Variants in PKNOX1 observed in about 807,000 individuals in gnomAD.
PKNOX1 encodes the protein PBX/knotted 1 homeobox 1.
A neutral mutation model predicts 51.9 loss-of-function variants in PKNOX1; 15 were observed. The ratio of observed to expected loss-of-function variants is 0.29; its 90% CI spans 0.19 to 0.45. PKNOX1 has a LOEUF of 0.45. PKNOX1 is among the 20% of genes least tolerant of loss of function. PKNOX1 has a pLI of 1.00. For synonymous variants in PKNOX1, 219 were observed against 211.1 expected, an observed-to-expected ratio of 1.04 and a Z score of -0.32; for missense variants, 462 against 547.5, an observed-to-expected ratio of 0.84 and a Z score of 1.56.
chr21:43,004,492 C>A, intron 2 of PKNOX1, 60 bp downstream of exon 2: 2 of 1,119,546 alleles, frequency 1.8e-6, no homozygotes, highest in Non-Finnish European at 1.4e-6. Flanking sequence ...CAAGCATGAA[C>A]ATTGCTTTGT....
At chr21:43,011,901 C>G (rs1324718769) in intron 4 of PKNOX1, among the ~76,000 whole-genome samples, 1 of 152,188 alleles carries the variant, frequency 6.6e-6, no homozygotes, top group East Asian at 1.9e-4. Flanking sequence ...GCTCTCTCCA[C>G]CCCTGAGTCT....
intron 1 of PKNOX1, among the ~76,000 whole-genome samples, chr21:42,996,735 T>A (rs1030341867): frequency 1.3e-5 from 2 of 152,126 alleles, no homozygotes. Flanking sequence ...AGCTAATTTT[T>A]AAAAAAATTT....
At position 42,991,442 on chromosome 21, in the gene PKNOX1, A is replaced by G. The variant is rs371331754; in HGVS notation, c.-56-12884A>G. Among the ~76,000 whole-genome samples the G allele has an allele frequency of 5.3e-5, 8 of 152,268 alleles. No homozygotes were observed. In the South Asian group the frequency reaches 6.2e-4, roughly 12 times the overall value. ...TTCAAGTGACTTCAAAACAAATTGT[A>G]TTGGCCAGGCGTGGTGGCTCACGCC... On this transcript the variant is annotated intron_variant, in intron 1 of 10. Coordinates refer to ENST00000291547, the MANE Select transcript of PKNOX1 (RefSeq NM_004571.5).
At chr21:43,012,405 C>T (rs965734766) in intron 4 of PKNOX1, among the ~76,000 whole-genome samples, 4 of 152,004 alleles carry the variant, frequency 2.6e-5, no homozygotes, top group African/African-American at 7.2e-5. Flanking sequence ...ACTAAAAATA[C>T]AAAAATTAGC....
intron 4 of PKNOX1, among the ~76,000 whole-genome samples, chr21:43,011,575 T>G (rs1180580286): frequency 1.3e-5 from 2 of 152,202 alleles, no homozygotes; most frequent in Non-Finnish European, 2.9e-5. Context: ...TGTGCTCTCC[T>G]GCCAGAGTGT....
chr21:43,002,395 A>G (rs1978798231), intron 1 of PKNOX1, among the ~76,000 whole-genome samples: 2 of 138,814 alleles, frequency 1.4e-5, no homozygotes, highest in South Asian at 4.9e-4. Context: ...TCTTGTACTC[A>G]TTGACTGTGC....
intron 1 of PKNOX1, among the ~76,000 whole-genome samples, chr21:42,987,404 A>AAAAAATATATAT: frequency 7.2e-5 from 3 of 41,414 alleles, no homozygotes; most frequent in Non-Finnish European, 9.6e-5. Flanking sequence ...AAAAAAAAAA[A>AAAAAATATATAT]ATATATATAT....
chr21:42,987,898 G>A lies in PKNOX1; in HGVS notation c.-57+13234G>A, dbSNP rs1013719266. On this transcript the variant is annotated intron_variant, in intron 1 of 10. Coordinates refer to ENST00000291547, the MANE Select transcript of PKNOX1 (RefSeq NM_004571.5). The stretch of plus-strand genomic sequence containing the variant: ...CTCCCAAAGTGCTGGGATTACAGGC[G>A]TGAGCCACCGCACCCGGCCTCTACA... Among the ~76,000 whole-genome samples, 8 of 152,018 alleles carry A rather than the reference G, an allele frequency of 5.3e-5. No individual in the cohort carries two copies. In the East Asian group the frequency reaches 9.7e-4, roughly 18 times the overall value.
rs939825973 is a variant in PKNOX1, at chr21:43,030,292, T to TGC, written c.*193_*194dup. ...GTGTGTGTGTGTGTGTGTGTGTGTG[T>TGC]GCGTGTGTGCGTGTGTGTGGATTTT... On this transcript the variant is annotated 3_prime_UTR_variant, in exon 11 of 11. Transcript: ENST00000291547. The TGC allele has an allele frequency of 8.8e-5, 37 of 420,930 alleles. No individual in the cohort carries two copies. The highest frequency in any genetic ancestry group is 1.2e-4 in the Non-Finnish European group (29 of 233,614). The allele number at this position is 420,930 out of a possible 1,614,324, so 26.1% of individuals were successfully genotyped here. A position where few individuals can be genotyped will look rare whatever the true frequency, so the allele number is the denominator to read the frequency against.
At chr21:43,006,492 T>C (rs1332308659) in intron 2 of PKNOX1, among the ~76,000 whole-genome samples, 3 of 152,176 alleles carry the variant, frequency 2.0e-5, no homozygotes, top group Admixed American at 2.0e-4. Context: ...TTAGGCTTTA[T>C]TGCTTTTATT....
intron 5 of PKNOX1, among the ~76,000 whole-genome samples, chr21:43,015,171 C>T (rs954738180): frequency 6.6e-6 from 1 of 152,244 alleles, no homozygotes; most frequent in African/African-American, 2.4e-5. Context: ...GCCTTGTCAC[C>T]GCCTTAGGGG....
intron 1 of PKNOX1, among the ~76,000 whole-genome samples, chr21:42,994,283 C>T (rs1387717213): frequency 1.2e-3 from 8 of 6,908 alleles, no homozygotes; most frequent in African/African-American, 3.7e-3. Flanking sequence ...CTCAAACGAT[C>T]CTTCCACCTC....
chr21:42,992,372 C>G (rs758113201), intron 1 of PKNOX1, among the ~76,000 whole-genome samples: 2 of 152,174 alleles, frequency 1.3e-5, no homozygotes, highest in African/African-American at 2.4e-5. Flanking sequence ...GTGTCCTCAA[C>G]AGGGAAACAA....
At chr21:43,010,357 T>G (rs1225386389) in intron 4 of PKNOX1, 133 bp downstream of exon 4, 1 of 522,260 alleles carries the variant, frequency 1.9e-6, no homozygotes, top group African/African-American at 1.9e-5. Context: ...AAAAGAATTT[T>G]TATGGTGTGT....
Position 43,032,260 on chromosome 21 carries a change from C to T in PKNOX1, c.*2159C>T. ...AGATCATTTTTAACCTAAGTTCCAA[C>T]TTTGTTGGACTCCTTAAAATAAGCA... On this transcript the variant is annotated 3_prime_UTR_variant, in exon 11 of 11. Coordinates refer to ENST00000291547, the MANE Select transcript of PKNOX1 (RefSeq NM_004571.5). The T allele has an allele frequency of 2.3e-6, 1 of 438,106 alleles. No homozygotes were observed. Among genetic ancestry groups the T allele is most frequent in the South Asian group, 1.6e-5 (1 of 63,838 alleles). 27.1% of individuals were successfully genotyped at this position (438,106 alleles called of 1,614,324 possible).
At chr21:43,015,883 G>A (rs1271482364) in intron 5 of PKNOX1, among the ~76,000 whole-genome samples, 1 of 151,594 alleles carries the variant, frequency 6.6e-6, no homozygotes, top group African/African-American at 2.4e-5. Context: ...TTGTTTTATT[G>A]ATTTTTTTGG....
chr21:42,976,960 T>C (rs1366257539), intron 1 of PKNOX1, among the ~76,000 whole-genome samples: 1 of 152,244 alleles, frequency 6.6e-6, no homozygotes, highest in Non-Finnish European at 1.5e-5. Flanking sequence ...GATTACTCCT[T>C]GGATCCATAG....
chr21:42,997,483 T>G (rs1318126815), intron 1 of PKNOX1, among the ~76,000 whole-genome samples: 1 of 152,184 alleles, frequency 6.6e-6, no homozygotes, highest in African/African-American at 2.4e-5. Context: ...TGGGATGAAG[T>G]CAAGCAAATT....
chr21:42,989,275 G>C, intron 1 of PKNOX1, among the ~76,000 whole-genome samples: 1 of 151,416 alleles, frequency 6.6e-6, no homozygotes, highest in East Asian at 1.9e-4. Context: ...CACTGGGCCC[G>C]GCCTATCCCC....
Sources: gnomAD v4.1 joint callset for allele counts (sites outside exome capture counted in the v4.1 genomes callset) on GRCh38, gnomAD v4.1.1 for gene constraint, MANE v1.5 for transcripts, NCBI Gene and HGNC (gene_info 2026-07-23, HGNC 2026-07-21) for gene names.